The following SLC25A46 variants were observed in gnomAD, a reference collection of about 807,000 sequenced individuals.
SLC25A46 encodes the protein mitochondrial outer membrane protein SLC25A46.
A neutral mutation model predicts 44.6 loss-of-function variants in SLC25A46; 39 were observed. The observed-to-expected ratio is 0.87, with a 90% CI of 0.68 to 1.14. The LOEUF (loss-of-function observed/expected upper bound fraction) is 1.14, where lower values mean the gene tolerates loss of function less well. SLC25A46 is among the 50% of genes most tolerant of loss of function. SLC25A46 has a pLI of 0.00. For synonymous variants in SLC25A46, 202 were observed against 185.8 expected, an observed-to-expected ratio of 1.09 and a Z score of -0.71; for missense variants, 547 against 522.7, an observed-to-expected ratio of 1.05 and a Z score of -0.45.
At chr5:110,759,043 A>G (rs890426803) in intron 7 of SLC25A46, among the ~76,000 whole-genome samples, 2 of 152,184 alleles carry the variant, frequency 1.3e-5, no homozygotes, top group South Asian at 4.1e-4. Flanking sequence ...AAATGTATCA[A>G]TTGTTTATTG....
chr5:110,764,807 A>C lies in SLC25A46; in HGVS notation c.*3025A>C, dbSNP rs1209273801. The C allele has an allele frequency of 6.6e-6, 1 of 151,992 alleles. No homozygotes were observed. Among genetic ancestry groups the C allele is most frequent in the Non-Finnish European group, 1.5e-5 (1 of 67,932 alleles). The allele number at this position is 151,992 out of a possible 1,614,324, so 9.4% of individuals were successfully genotyped here. ...TAGCCAGGTTTGAATTATTTGCAAA[A>C]TTTATATAAGCAAATAAGATCTCTT... On this transcript the variant is annotated 3_prime_UTR_variant, in exon 8 of 8. Coordinates refer to ENST00000355943, the MANE Select transcript of SLC25A46 (RefSeq NM_138773.4).
intron 6 of SLC25A46, chr5:110,756,105 T>C (rs1044235827): frequency 6.6e-6 from 1 of 152,270 alleles, no homozygotes; most frequent in Non-Finnish European, 1.5e-5. Context: ...TGCCAGGACC[T>C]GGCCCATAAG....
chr5:110,756,880 T>G, intron 7 of SLC25A46, 121 bp downstream of exon 7: 1 of 537,400 alleles, frequency 1.9e-6, no homozygotes, highest in Non-Finnish European at 3.1e-6. Flanking sequence ...AAATATTTAT[T>G]TTATAAATAT....
chr5:110,738,787 G>C (rs1174357614), upstream of SLC25A46: 2 of 411,490 alleles, frequency 4.9e-6, no homozygotes. Context: ...CTCCCATGCA[G>C]GCCCTATTCC....
chr5:110,751,699 G>A (rs774666759), intron 5 of SLC25A46, among the ~76,000 whole-genome samples: 22 of 152,192 alleles, frequency 1.4e-4, no homozygotes, highest in Non-Finnish European at 2.8e-4. Context: ...ATAAAGGTAA[G>A]AAAAGATAGT....
Position 110,739,484 on chromosome 5 carries a change from G to T in SLC25A46, c.283+82G>T, listed in dbSNP as rs1263297400. On this transcript the variant is annotated intron_variant, in intron 1 of 7. Coordinates refer to ENST00000355943, the MANE Select transcript of SLC25A46 (RefSeq NM_138773.4). The stretch of plus-strand genomic sequence containing the variant: ...GCCTGCAGACCCCGGAAGCGGCGCA[G>T]AGGATCCCGCCTCCTATTCCTTCTC... 8.8e-6 allele frequency: 13 copies of T among 1,476,896 alleles called. No homozygotes were observed. In the East Asian group the frequency reaches 3.0e-4, roughly 34 times the overall value. The allele number at this position is 1,476,896 out of a possible 1,614,324, so 91.5% of individuals were successfully genotyped here.
At position 110,761,990 on chromosome 5, in the gene SLC25A46, A is replaced by G. The variant is rs1342877843; in HGVS notation, c.*208A>G. On this transcript the variant is annotated 3_prime_UTR_variant, in exon 8 of 8. Transcript: ENST00000355943. The surrounding 1 kb of genome is among the most constrained non-coding windows in gnomAD (Gnocchi z 5.3). The stretch of plus-strand genomic sequence containing the variant: ...ATCCTTCCAAATTTGAAAACTCAAT[A>G]AAAATAACACTTATTAAATTCTAGT... 1 of 491,450 alleles carries G rather than the reference A, an allele frequency of 2.0e-6. No individual in the cohort carries two copies. The highest frequency in any genetic ancestry group is 1.9e-5 in the African/African-American group (1 of 51,394). 30.4% of individuals were successfully genotyped at this position (491,450 alleles called of 1,614,324 possible).
At chr5:110,748,287 G>GT in intron 5 of SLC25A46, 24 bp downstream of exon 5, 1 of 1,585,626 alleles carries the variant, frequency 6.3e-7, no homozygotes, top group Non-Finnish European at 8.7e-7. Context: ...CATTTCTTCA[G>GT]TATTAGTTTC....
intron 5 of SLC25A46, 126 bp from the exon 6 acceptor site, chr5:110,755,339 T>G (rs993317796): frequency 1.6e-6 from 1 of 622,326 alleles, no homozygotes; most frequent in Non-Finnish European, 2.8e-6. Flanking sequence ...TGTTCACCAT[T>G]AGAATATATT....
chr5:110,754,433 T>C (rs1248706661), intron 5 of SLC25A46: 2 of 151,452 alleles, frequency 1.3e-5, no homozygotes, highest in Admixed American at 6.6e-5. Flanking sequence ...ATCTTGACTC[T>C]TTTTGGACTT....
At chr5:110,741,949 A>T (rs1799702282) in intron 1 of SLC25A46, 98 bp from the exon 2 acceptor site, 2 of 828,630 alleles carry the variant, frequency 2.4e-6, no homozygotes, top group African/African-American at 1.8e-5. Flanking sequence ...CAGGTTAATA[A>T]AATAAATTTT....
intron 7 of SLC25A46, among the ~76,000 whole-genome samples, chr5:110,760,518 C>A (rs549054902): frequency 2.0e-5 from 3 of 152,144 alleles, no homozygotes; most frequent in African/African-American, 4.8e-5. Flanking sequence ...CCCCTGGCTA[C>A]CTTATAAATT....
rs1173060498 is a variant in SLC25A46, at chr5:110,764,568, T to C, written c.*2786T>C. On this transcript the variant is annotated 3_prime_UTR_variant, in exon 8 of 8. Transcript: ENST00000355943. ...TATACCTGACCACTCACAACTGTCT[T>C]TTTAGCAGCAGCTTTGTTAAAACTG... The C allele has an allele frequency of 1.3e-5, 2 of 151,964 alleles. No individual in the cohort carries two copies. The highest frequency in any genetic ancestry group is 3.9e-4 in the East Asian group (2 of 5,164). The allele number at this position is 151,964 out of a possible 1,614,324, so 9.4% of individuals were successfully genotyped here.
intron 5 of SLC25A46, chr5:110,754,097 G>A (rs899233229): frequency 2.6e-5 from 4 of 152,076 alleles, no homozygotes; most frequent in Admixed American, 1.3e-4. Flanking sequence ...CGGCCCAGAA[G>A]GTGCTCTAAG....
chr5:110,739,450 C>T, intron 1 of SLC25A46, 48 bp downstream of exon 1: 2 of 1,498,470 alleles, frequency 1.3e-6, no homozygotes, highest in East Asian at 2.5e-5. Flanking sequence ...ACTGGGGCCG[C>T]GGCTTGCGGC....
Position 110,761,958 on chromosome 5 carries a change from G to T in SLC25A46, c.*176G>T. The T allele has an allele frequency of 3.7e-6, 2 of 537,188 alleles. No homozygotes were observed. The highest frequency in any genetic ancestry group is 6.4e-6 in the Non-Finnish European group (2 of 312,084). 33.3% of individuals were successfully genotyped at this position (537,188 alleles called of 1,614,324 possible). A position where few individuals can be genotyped will look rare whatever the true frequency, so the allele number is the denominator to read the frequency against. On this transcript the variant is annotated 3_prime_UTR_variant, in exon 8 of 8. Coordinates refer to ENST00000355943, the MANE Select transcript of SLC25A46 (RefSeq NM_138773.4). This position sits in a 1 kb window ranked among gnomAD's most constrained non-coding sequence, Gnocchi z 5.3. ...TTTTAAGGCATAGGTATATATTTTG[G>T]ATCAAAATCCTTCCAAATTTGAAAA...
In SLC25A46 at chr5:110,761,760, C is replaced by G; in HGVS notation, c.1235C>G (p.Thr412Arg). The change falls in exon 8 of 8, where the codon ACA becomes AGA. Residue 412 changes from threonine (T) to arginine (R), a missense_variant. Transcript: ENST00000355943. This position sits in a 1 kb window ranked among gnomAD's most constrained non-coding sequence, Gnocchi z 5.3. ...CAGATTACCAAAATTATTTACTCTA[C>G]ACTTCTTCAAAATAACATTTGAGAT... ...VLQITKIIYSTLLQNNI is the reference protein window; with the variant it reads ...VLQITKIIYSRLLQNNI 6.2e-7 allele frequency: 1 copy of G among 1,610,188 alleles called. No individual in the cohort carries two copies. Among genetic ancestry groups the G allele is most frequent in the Non-Finnish European group, 8.5e-7 (1 of 1,178,442 alleles).
chr5:110,748,349 TG>T, intron 5 of SLC25A46, 86 bp downstream of exon 5: 1 of 1,023,382 alleles, frequency 9.8e-7, no homozygotes, highest in South Asian at 1.3e-5. Flanking sequence ...GCTTGTTACA[TG>T]GGTATATTGT....
At chr5:110,752,859 A>G (rs1032332790) in intron 5 of SLC25A46, among the ~76,000 whole-genome samples, 1 of 142,678 alleles carries the variant, frequency 7.0e-6, no homozygotes, top group Non-Finnish European at 1.5e-5. Context: ...CTCTAACCCT[A>G]GATATGAGCG....
Sources: allele counts gnomAD v4.1 joint callset (sites outside exome capture counted in the v4.1 genomes callset), GRCh38; gene constraint gnomAD v4.1.1; non-coding constraint Gnocchi (gnomAD v3.1); transcripts MANE v1.5; gene names NCBI Gene and HGNC (gene_info 2026-07-23, HGNC 2026-07-21).